PCM1: variants seen among roughly 807,000 people sequenced by gnomAD.
PCM1 encodes the protein pericentriolar material 1 protein.
PCM1 carries 157 observed loss-of-function variants against 241.9 expected under a neutral mutation model. The observed-to-expected ratio is 0.65, with a 90% CI of 0.57 to 0.74. The LOEUF is 0.74. PCM1 is among the 30% of genes least tolerant of loss of function. The pLI is 0.00. For missense variants in PCM1, 3,478 were observed against 2,360.1 expected (o/e 1.47, Z -9.81); for synonymous variants, 1,085 against 784.9 (o/e 1.38, Z -6.39).
At chr8:18,000,980 T>C (rs1289184701) in intron 29 of PCM1, among the ~76,000 whole-genome samples, 1 of 152,206 alleles carries the variant, frequency 6.6e-6, no homozygotes. Flanking sequence ...AGTCATTTGG[T>C]TACTCAGCTA....
chr8:17,952,918 A>C (rs148593118), intron 8 of PCM1, 52 bp from the exon 9 acceptor site: 47 of 1,101,178 alleles, frequency 4.3e-5, no homozygotes, highest in East Asian at 4.1e-4. Flanking sequence ...ATGAGAATGC[A>C]TTTAATTGCG....
intron 23 of PCM1, among the ~76,000 whole-genome samples, chr8:17,977,366 C>T (rs768138537): frequency 1.4e-4 from 22 of 152,058 alleles, no homozygotes; most frequent in Non-Finnish European, 2.9e-4. Flanking sequence ...ATGATGAAGT[C>T]TTACATAATG....
chr8:17,933,792 T>A (rs954393028), intron 2 of PCM1, among the ~76,000 whole-genome samples: 3 of 152,182 alleles, frequency 2.0e-5, no homozygotes, highest in African/African-American at 7.2e-5. Flanking sequence ...GTTTCATATT[T>A]GTCTGCTTGA....
chr8:17,972,680 A>AAATTT lies in PCM1; in HGVS notation c.3938_3939insTTTAA (p.Ile1314LeufsTer47). 6.6e-7 allele frequency: 1 copy of AAATTT among 1,524,388 alleles called. No individual in the cohort carries two copies. The highest frequency in any genetic ancestry group is 8.8e-7 in the Non-Finnish European group (1 of 1,136,862). 94.4% of individuals were successfully genotyped at this position (1,524,388 alleles called of 1,614,324 possible). On this transcript the variant is annotated frameshift_variant, in exon 23 of 39. Coordinates refer to ENST00000325083, the MANE Select transcript of PCM1 (RefSeq NM_006197.4). LOFTEE classifies it high-confidence loss of function. ...CTACTCAGCTGAAAAGCAGAGTTAA[A>AAATTT]AACATCAGTAAGTGTTGAAATTTGT...
At chr8:17,944,359 A>G (rs1208567735) in intron 6 of PCM1, among the ~76,000 whole-genome samples, 1 of 152,174 alleles carries the variant, frequency 6.6e-6, no homozygotes, top group African/African-American at 2.4e-5. Flanking sequence ...CTAGGCTTAT[A>G]GTTCCTCAAC....
chr8:18,022,547 T>C (rs1366735634), intron 36 of PCM1, among the ~76,000 whole-genome samples: 3 of 152,192 alleles, frequency 2.0e-5, no homozygotes, highest in African/African-American at 2.4e-5. Context: ...AGCAGGTTGG[T>C]TGATATTTAT....
chr8:17,980,093 C>A (rs1447365419), intron 23 of PCM1: 1 of 150,612 alleles, frequency 6.6e-6, no homozygotes, highest in Non-Finnish European at 1.5e-5. Flanking sequence ...TGTATATATA[C>A]CAAAATATTT....
chr8:17,976,871 T>G (rs1179072052), intron 23 of PCM1, among the ~76,000 whole-genome samples: 1 of 152,102 alleles, frequency 6.6e-6, no homozygotes, highest in African/African-American at 2.4e-5. Flanking sequence ...AAAACCAGTT[T>G]TTTTTTTTTC....
intron 2 of PCM1, among the ~76,000 whole-genome samples, chr8:17,928,341 C>G (rs966189431): frequency 6.6e-6 from 1 of 152,192 alleles, no homozygotes; most frequent in Admixed American, 6.5e-5. Flanking sequence ...TTTCTACGCT[C>G]TCTCAGACAC....
chr8:17,995,221 G>A (rs1241206134), intron 29 of PCM1, among the ~76,000 whole-genome samples: 1 of 151,364 alleles, frequency 6.6e-6, no homozygotes, highest in African/African-American at 2.5e-5. Flanking sequence ...AGAGATAGAG[G>A]TCTAGTTTCA....
intron 26 of PCM1, chr8:17,986,342 C>T (rs2082586810): frequency 8.1e-6 from 2 of 246,402 alleles, no homozygotes; most frequent in African/African-American, 4.5e-5. Context: ...GTTGTTATTA[C>T]CCAGTATAGG....
At chr8:17,975,198 G>C (rs1439768189) in intron 23 of PCM1, among the ~76,000 whole-genome samples, 1 of 152,032 alleles carries the variant, frequency 6.6e-6, no homozygotes, top group Non-Finnish European at 1.5e-5. Context: ...TGTGCTATAG[G>C]AATGGTCAAG....
At chr8:17,952,825 A>G (rs1352929904) in intron 8 of PCM1, 145 bp from the exon 9 acceptor site, 1 of 512,580 alleles carries the variant, frequency 2.0e-6, no homozygotes, top group Non-Finnish European at 3.4e-6. Flanking sequence ...TAATTTGGGA[A>G]TAGTAAGGGT....
At chr8:18,022,529 C>T (rs2093838307) in intron 36 of PCM1, among the ~76,000 whole-genome samples, 1 of 152,198 alleles carries the variant, frequency 6.6e-6, no homozygotes, top group Non-Finnish European at 1.5e-5. Flanking sequence ...GTTTGGTATC[C>T]TTCCCCTAGC....
intron 21 of PCM1, 38 bp from the exon 22 acceptor site, chr8:17,969,535 CATTT>C (rs748618043): frequency 1.3e-5 from 17 of 1,342,682 alleles, no homozygotes; most frequent in Middle Eastern, 1.8e-4. Context: ...AAGCTAAAGA[CATTT>C]ATTTATTTTT....
rs1383817812 is a variant in PCM1 at position 17,989,945 on chromosome 8, A to G, written c.4497A>G (p.Ser1499=). ...DADNASVLSV[S]SNFEPFATDD... ...ATAATGCTAGTGTCCTGTCTGTATC[A>G]TCAAATTTTGAGCCTTTTGCAACAG... The change falls in exon 27 of 39, where the codon TCA becomes TCG. Residue 1499 remains serine (S), a synonymous_variant. Transcript: ENST00000325083. 1 of 1,539,490 alleles carries G rather than the reference A, an allele frequency of 6.5e-7. No individual in the cohort carries two copies. Among genetic ancestry groups the G allele is most frequent in the Admixed American group, 2.0e-5 (1 of 49,820 alleles).
chr8:18,000,159 G>T (rs2088758954), intron 29 of PCM1, among the ~76,000 whole-genome samples: 1 of 152,324 alleles, frequency 6.6e-6, no homozygotes, highest in South Asian at 2.1e-4. Context: ...AACCAGGATT[G>T]TTCTAGACAG....
At chr8:17,952,423 G>T (rs925981982) in intron 8 of PCM1, among the ~76,000 whole-genome samples, 2 of 152,056 alleles carry the variant, frequency 1.3e-5, no homozygotes, top group African/African-American at 4.8e-5. Context: ...CTGATGTCTA[G>T]TGAATCCAAG....
chr8:17,972,597 C>G lies in PCM1; in HGVS notation c.3853C>G (p.Gln1285Glu). 6.2e-7 allele frequency: 1 copy of G among 1,610,470 alleles called. No individual in the cohort carries two copies. The highest frequency in any genetic ancestry group is 1.1e-5 in the South Asian group (1 of 90,026). Residue 1285 changes from glutamine (Q) to glutamate (E), a missense_variant, in exon 23 of 39, where the codon CAG (glutamine) becomes GAG (glutamate). Gln to Glu is a conservative substitution (Grantham distance 29). Coordinates refer to ENST00000325083, the MANE Select transcript of PCM1 (RefSeq NM_006197.4). ...ATTCAAGACAAGAAAAGCGTCTGCA[C>G]AGGCCAGCCTGGCATCTAAAGATAA... The part of the protein sequence containing the change: ...KTFKTRKASA[Q>E]ASLASKDKTP...
Sources: allele counts gnomAD v4.1 joint callset (sites outside exome capture counted in the v4.1 genomes callset), GRCh38; gene constraint gnomAD v4.1.1; transcripts MANE v1.5; gene names NCBI Gene and HGNC (gene_info 2026-07-23, HGNC 2026-07-21).